NCKAP5: variants seen among roughly 807,000 people sequenced by gnomAD.
The protein encoded by NCKAP5 is nck-associated protein 5.
In NCKAP5, 92 loss-of-function variants were observed where a neutral mutation model predicts 167.0. The ratio of observed to expected loss-of-function variants is 0.55; its 90% CI spans 0.47 to 0.66. The LOEUF (loss-of-function observed/expected upper bound fraction) is 0.66, where lower values mean the gene tolerates loss of function less well. Among genes scored for constraint, NCKAP5 ranks in the 30% least tolerant of loss-of-function variants. The pLI is 0.00. For missense variants in NCKAP5, 2,378 were observed against 2,315.0 expected (o/e 1.03, Z -0.56); for synonymous variants, 891 against 877.4 (o/e 1.02, Z -0.27).
intron 5 of NCKAP5, among the ~76,000 whole-genome samples, chr2:133,154,372 G>A (rs1249551242): frequency 6.6e-6 from 1 of 152,136 alleles, no homozygotes; most frequent in Non-Finnish European, 1.5e-5. Flanking sequence ...GCCACCTCTG[G>A]TGAACACTGG....
At chr2:133,471,404 T>A (rs1679291669) in intron 3 of NCKAP5, among the ~76,000 whole-genome samples, 1 of 152,144 alleles carries the variant, frequency 6.6e-6, no homozygotes, top group African/African-American at 2.4e-5. Flanking sequence ...CTGGAGCCCA[T>A]CCTAGGAAAA....
intron 3 of NCKAP5, among the ~76,000 whole-genome samples, chr2:133,314,673 T>C (rs1473156103): frequency 6.6e-6 from 1 of 152,200 alleles, no homozygotes; most frequent in Non-Finnish European, 1.5e-5. Context: ...GTCTGGGCAA[T>C]ACAGCCATGT....
At position 133,358,484 on chromosome 2, in the gene NCKAP5, T is replaced by C. The variant is rs544345748; in HGVS notation, c.70-55374A>G. ...TAGTCCTAGCTACTCAGTGCTGATA[T>C]GGGAGATCACTTGAGCTCAGGACTT... On this transcript the variant is annotated intron_variant, in intron 3 of 19. Transcript: ENST00000409261. 3.3e-5 allele frequency among the ~76,000 whole-genome samples: 5 copies of C among 152,300 alleles called. No individual in the cohort carries two copies. The East Asian group carries it at 7.7e-4, about 24-fold the overall frequency.
chr2:133,039,689 G>A (rs2079151049), intron 6 of NCKAP5, among the ~76,000 whole-genome samples: 1 of 152,076 alleles, frequency 6.6e-6, no homozygotes, highest in South Asian at 2.1e-4. Context: ...GCCCCTCCAG[G>A]ACCAGGTCTG....
chr2:133,562,467 T>C (rs1688230051), intron 1 of NCKAP5, among the ~76,000 whole-genome samples: 1 of 152,236 alleles, frequency 6.6e-6, no homozygotes, highest in African/African-American at 2.4e-5. Flanking sequence ...AGTTCTATGT[T>C]TCTAGATTCA....
At chr2:132,733,453 C>G (rs1035580253) in intron 16 of NCKAP5, among the ~76,000 whole-genome samples, 1 of 152,128 alleles carries the variant, frequency 6.6e-6, no homozygotes, top group Non-Finnish European at 1.5e-5. Context: ...TGTTTCAACC[C>G]CTGTGCAAGA....
At chr2:133,376,470 T>C (rs750300615) in intron 3 of NCKAP5, among the ~76,000 whole-genome samples, 1 of 152,144 alleles carries the variant, frequency 6.6e-6, no homozygotes, top group South Asian at 2.1e-4. Context: ...TCTTGAAATA[T>C]TGCCCCTTGT....
chr2:133,386,870 C>T (rs1247225950), intron 3 of NCKAP5, among the ~76,000 whole-genome samples: 1 of 152,104 alleles, frequency 6.6e-6, no homozygotes, highest in East Asian at 1.9e-4. Context: ...ATTGCAACCC[C>T]TGCCTTTTTT....
At chr2:133,604,788 G>T in the NCKAP5 span, among the ~76,000 whole-genome samples, 2 of 152,160 alleles carry the variant, frequency 1.3e-5, no homozygotes, top group Admixed American at 6.5e-5. Flanking sequence ...GGCTAAGACC[G>T]GCTTGGTCTG....
intron 11 of NCKAP5, among the ~76,000 whole-genome samples, chr2:132,800,229 CA>C (rs1252598043): frequency 6.6e-6 from 1 of 152,166 alleles, no homozygotes; most frequent in East Asian, 1.9e-4. Context: ...GCTTAGGGGG[CA>C]AATTCTCTAT....
chr2:133,127,065 GA>G (rs893464135), intron 6 of NCKAP5, among the ~76,000 whole-genome samples: 3 of 151,864 alleles, frequency 2.0e-5, no homozygotes, highest in Non-Finnish European at 4.4e-5. Flanking sequence ...GAGAAAAAAA[GA>G]AAAAAATTAT....
intron 6 of NCKAP5, among the ~76,000 whole-genome samples, chr2:133,128,051 G>T (rs80062957): frequency 0.017 from 2,519 of 152,272 alleles, 75 homozygotes; most frequent in African/African-American, 0.057. Context: ...CACATACACA[G>T]TATTGGCCAT....
At chr2:132,887,360 C>T (rs201887307) in intron 8 of NCKAP5, among the ~76,000 whole-genome samples, 8 of 100,518 alleles carry the variant, frequency 8.0e-5, no homozygotes, top group African/African-American at 1.9e-4. Flanking sequence ...TCCATCCATC[C>T]ATCTTTCCAT....
At chr2:132,774,241 G>A (rs1404740305) in intron 15 of NCKAP5, among the ~76,000 whole-genome samples, 1 of 152,098 alleles carries the variant, frequency 6.6e-6, no homozygotes, top group Non-Finnish European at 1.5e-5. Flanking sequence ...CAGTAACACA[G>A]GGCTGTTAGG....
chr2:132,700,929 G>GC (rs1491415604), intron 19 of NCKAP5, among the ~76,000 whole-genome samples: 9 of 87,320 alleles, frequency 1.0e-4, no homozygotes, highest in South Asian at 3.3e-4. Context: ...AATCCCCTGG[G>GC]CGGGGGGGGG....
intron 6 of NCKAP5, among the ~76,000 whole-genome samples, chr2:133,129,046 A>G (rs985952629): frequency 4.6e-5 from 7 of 151,518 alleles, no homozygotes; most frequent in Admixed American, 4.6e-4. Flanking sequence ...TCTTTGTCTT[A>G]AAATAGGATT....
intron 19 of NCKAP5, among the ~76,000 whole-genome samples, chr2:132,695,688 G>T (rs1687238042): frequency 6.6e-6 from 1 of 152,134 alleles, no homozygotes; most frequent in African/African-American, 2.4e-5. Flanking sequence ...GCCTTATAAT[G>T]TAAAATTGTG....
At chr2:133,446,742 AAGCTTGC>A (rs1390585182) in intron 3 of NCKAP5, among the ~76,000 whole-genome samples, 3 of 152,212 alleles carry the variant, frequency 2.0e-5, no homozygotes, top group Non-Finnish European at 2.9e-5. Context: ...AACCAAAGCT[AAGCTTGC>A]ATGTCTGGAG....
chr2:132,679,509 C>T (rs1185135046), intron 19 of NCKAP5, among the ~76,000 whole-genome samples: 1 of 152,132 alleles, frequency 6.6e-6, no homozygotes, highest in Non-Finnish European at 1.5e-5. Flanking sequence ...ACATATGATG[C>T]AGATTTTAAC....
Sources: gnomAD v4.1 joint callset for allele counts (sites outside exome capture counted in the v4.1 genomes callset) on GRCh38, gnomAD v4.1.1 for gene constraint, MANE v1.5 for transcripts, NCBI Gene and HGNC (gene_info 2026-07-23, HGNC 2026-07-21) for gene names.